WDR64: variants seen among roughly 807,000 people sequenced by gnomAD.
WDR64 encodes the protein WD repeat domain 64.
In WDR64, 112 loss-of-function variants were observed where a neutral mutation model predicts 139.3. That is an observed-to-expected ratio of 0.80 (90% CI 0.69 to 0.94). The LOEUF is 0.94. Among genes scored for constraint, WDR64 ranks in the 40% least tolerant of loss-of-function variants. WDR64 has a pLI of 0.00. For synonymous variants in WDR64, 444 were observed against 437.7 expected (o/e 1.01, Z -0.18); for missense variants, 1,206 against 1,293.1 (o/e 0.93, Z 1.03).
rs542482082 is a variant in WDR64, at chr1:241,723,205, G to A, written c.1055-92G>A. 5.3e-5 allele frequency: 78 copies of A among 1,480,822 alleles called. No individual in the cohort carries two copies. The East Asian group carries it at 1.5e-3, about 28-fold the overall frequency. 91.7% of individuals were successfully genotyped at this position (1,480,822 alleles called of 1,614,324 possible). Reference sequence around the variant, plus strand: ...AGAAACGGACTGTGATTTGCTGTTCGAAGAAAGATACGGGTATGATACAGT... The same window carrying A: ...AGAAACGGACTGTGATTTGCTGTTCAAAGAAAGATACGGGTATGATACAGT... On this transcript the variant is annotated intron_variant, in intron 9 of 27. Transcript: ENST00000437684.
At chr1:241,774,739 G>T (rs998064958) in intron 20 of WDR64, among the ~76,000 whole-genome samples, 32 of 152,074 alleles carry the variant, frequency 2.1e-4, no homozygotes, top group Non-Finnish European at 7.4e-5. Flanking sequence ...GTCAATGCCT[G>T]TTTGAGTTAA....
intron 15 of WDR64, among the ~76,000 whole-genome samples, chr1:241,760,699 T>C (rs1670395072): frequency 6.7e-6 from 1 of 148,528 alleles, no homozygotes. Flanking sequence ...TTAAAGTATA[T>C]ACATATACTT....
intron 16 of WDR64, among the ~76,000 whole-genome samples, chr1:241,766,813 A>G (rs1421124482): frequency 6.6e-6 from 1 of 152,122 alleles, no homozygotes; most frequent in African/African-American, 2.4e-5. Context: ...CTGTGTTCTA[A>G]GTGTCTAAAT....
intron 25 of WDR64, among the ~76,000 whole-genome samples, chr1:241,793,737 C>T (rs1000386829): frequency 6.6e-6 from 1 of 152,114 alleles, no homozygotes; most frequent in African/African-American, 2.4e-5. Flanking sequence ...TTTGAAAATC[C>T]TTCAAAGGGT....
chr1:241,748,295 G>A (rs1669840000), intron 13 of WDR64, among the ~76,000 whole-genome samples: 1 of 152,182 alleles, frequency 6.6e-6, no homozygotes, highest in Admixed American at 6.5e-5. Flanking sequence ...CAGGGCAGGA[G>A]GACTGGGGGT....
intron 8 of WDR64, among the ~76,000 whole-genome samples, chr1:241,702,321 A>G (rs1667748253): frequency 6.6e-6 from 1 of 152,210 alleles, no homozygotes; most frequent in African/African-American, 2.4e-5. Flanking sequence ...CCCTGTGACC[A>G]TTGAACACTT....
At chr1:241,696,211 T>C (rs962038597) in intron 8 of WDR64, among the ~76,000 whole-genome samples, 3 of 148,174 alleles carry the variant, frequency 2.0e-5, no homozygotes, top group Admixed American at 2.0e-4. Context: ...CAGAAAAAGT[T>C]CTCTTCAGAG....
chr1:241,705,998 A>C (rs1667939751), intron 8 of WDR64, among the ~76,000 whole-genome samples: 1 of 150,382 alleles, frequency 6.6e-6, no homozygotes, highest in African/African-American at 2.5e-5. Context: ...AATCTTACAC[A>C]TTATTTTTCA....
chr1:241,783,202 T>C, intron 22 of WDR64, 70 bp from the exon 23 acceptor site: 2 of 1,333,108 alleles, frequency 1.5e-6, no homozygotes, highest in South Asian at 1.2e-5. Flanking sequence ...TGAGAAATGA[T>C]TTTGTTGAAG....
At chr1:241,714,252 T>G (rs1668314846) in intron 9 of WDR64, among the ~76,000 whole-genome samples, 2 of 152,142 alleles carry the variant, frequency 1.3e-5, no homozygotes, top group Admixed American at 1.3e-4. Context: ...TGGCCTACAT[T>G]GCAAACCCAA....
intron 1 of WDR64, among the ~76,000 whole-genome samples, chr1:241,658,638 CAA>C (rs56278786): frequency 0.16 from 13,336 of 83,446 alleles, 587 homozygotes; most frequent in East Asian, 0.25. Context: ...GATCCTGTCT[CAA>C]AAAAAAAAAA....
chr1:241,685,988 T>C (rs913188271), intron 7 of WDR64, among the ~76,000 whole-genome samples: 3 of 152,180 alleles, frequency 2.0e-5, no homozygotes, highest in Admixed American at 6.5e-5. Flanking sequence ...TAGATAGATA[T>C]GTGAAAAATG....
At chr1:241,798,073 C>A (rs1659416156) in intron 27 of WDR64, among the ~76,000 whole-genome samples, 1 of 152,012 alleles carries the variant, frequency 6.6e-6, no homozygotes, top group Non-Finnish European at 1.5e-5. Flanking sequence ...CTCCAATAAC[C>A]AGAATTTGAC....
In WDR64 at chr1:241,776,016, T is replaced by C. The variant is rs377254493; in HGVS notation, c.2536+806T>C. Among the ~76,000 whole-genome samples, 20 of 151,554 alleles carry C rather than the reference T, an allele frequency of 1.3e-4. No individual in the cohort carries two copies. The East Asian group carries it at 3.5e-3, about 27-fold the overall frequency. ...ACATTTCAAATTTACTTAATTTTCA[T>C]ACTTAAGTTTTCATATTCTCTTTTA... On this transcript the variant is annotated intron_variant, in intron 21 of 27. Transcript: ENST00000437684.
At chr1:241,786,317 T>C (rs1474951148) in intron 23 of WDR64, among the ~76,000 whole-genome samples, 1 of 152,210 alleles carries the variant, frequency 6.6e-6, no homozygotes, top group East Asian at 1.9e-4. Flanking sequence ...CTCCTCCTTT[T>C]AGGTCATTGC....
intron 3 of WDR64, among the ~76,000 whole-genome samples, chr1:241,671,403 G>A (rs1160999968): frequency 1.3e-5 from 2 of 152,146 alleles, no homozygotes; most frequent in Non-Finnish European, 2.9e-5. Context: ...AATAGAGAAT[G>A]TGATGGAAGA....
rs765789480 is a variant in WDR64 at position 241,801,202 on chromosome 1, C to T, written c.3263C>T (p.Ala1088Val). 5 of 1,613,544 alleles carry T rather than the reference C, an allele frequency of 3.1e-6. No homozygotes were observed. Among genetic ancestry groups the T allele is most frequent in the Non-Finnish European group, 4.2e-6 (5 of 1,179,788 alleles). ...QINLASSFFP[A>V]IPK ...AATCTGGCTTCTTCCTTCTTCCCAG[C>T]TATACCCAAGTAAGGAGAAAAAATC... The change falls in exon 28 of 28, where the codon GCT (alanine) becomes GTT (valine). Residue 1088 changes from alanine (A) to valine (V), a missense_variant. By Grantham distance (64) the Ala-to-Val change is moderately conservative. Coordinates refer to ENST00000437684, the MANE Select transcript of WDR64 (RefSeq NM_001367482.1).
chr1:241,720,279 T>C (rs546945101), intron 9 of WDR64, among the ~76,000 whole-genome samples: 2 of 152,340 alleles, frequency 1.3e-5, no homozygotes, highest in South Asian at 4.1e-4. Context: ...GCCATGTATC[T>C]TTATAATAGA....
chr1:241,757,201 G>A (rs1574073210), intron 14 of WDR64, 82 bp from the exon 15 acceptor site: 1 of 872,756 alleles, frequency 1.1e-6, no homozygotes, highest in Non-Finnish European at 1.7e-6. Flanking sequence ...CATCATTGTA[G>A]GTTCTATTTT....
Sources: allele counts gnomAD v4.1 joint callset (sites outside exome capture counted in the v4.1 genomes callset), GRCh38; gene constraint gnomAD v4.1.1; transcripts MANE v1.5; gene names NCBI Gene and HGNC (gene_info 2026-07-23, HGNC 2026-07-21).